The following ZBTB7C variants were observed in gnomAD, a reference collection of about 807,000 sequenced individuals.
The protein encoded by ZBTB7C is zinc finger and BTB domain-containing protein 7C.
In ZBTB7C, 8 loss-of-function variants were observed where a neutral mutation model predicts 25.7. That is an observed-to-expected ratio of 0.31 (90% CI 0.18 to 0.56). The LOEUF (loss-of-function observed/expected upper bound fraction) is 0.56. Among genes scored for constraint, ZBTB7C ranks in the 20% least tolerant of loss-of-function variants. ZBTB7C has a pLI of 0.91. For synonymous variants in ZBTB7C, 394 were observed against 369.0 expected (o/e 1.07, Z -0.78); for missense variants, 824 against 855.2 (o/e 0.96, Z 0.46).
At chr18:48,312,043 G>A (rs528835907) in intron 2 of ZBTB7C, among the ~76,000 whole-genome samples, 7 of 152,282 alleles carry the variant, frequency 4.6e-5, no homozygotes, top group South Asian at 4.1e-4. Context: ...TGTGAAGCTC[G>A]GTCTGACCCC....
intron 1 of ZBTB7C, among the ~76,000 whole-genome samples, chr18:48,383,514 C>T (rs1568414351): frequency 6.6e-6 from 1 of 152,190 alleles, no homozygotes; most frequent in African/African-American, 2.4e-5. Context: ...GATCCGCCTG[C>T]CTGAGCCTCC....
chr18:48,154,743 T>C (rs535558502), intron 3 of ZBTB7C, among the ~76,000 whole-genome samples: 26 of 152,296 alleles, frequency 1.7e-4, no homozygotes, highest in Admixed American at 9.2e-4. Flanking sequence ...GCACTCGCCC[T>C]CACCCTCCAT....
intron 2 of ZBTB7C, among the ~76,000 whole-genome samples, chr18:48,212,368 G>A (rs1438802787): frequency 6.6e-6 from 1 of 152,138 alleles, no homozygotes; most frequent in Admixed American, 6.5e-5. Flanking sequence ...GATGTTGAAA[G>A]CAGTGAAACT....
rs575900140 is a variant in ZBTB7C at position 48,407,228 on chromosome 18, C to T, written c.-304+1998G>A. On this transcript the variant is annotated intron_variant, in intron 1 of 4. Transcript: ENST00000590800. ...CAAAAATATCTGTAAAATCTAATTA[C>T]CAGGAAAACAGAGTTCTGGCATCCT... Among the ~76,000 whole-genome samples, 51 of 152,252 alleles carry T rather than the reference C, an allele frequency of 3.3e-4. 1 individual carries two copies. Among genetic ancestry groups the T allele is most frequent in the African/African-American group, 1.2e-3 (51 of 41,544 alleles).
intron 3 of ZBTB7C, among the ~76,000 whole-genome samples, chr18:48,090,195 A>C (rs909300225): frequency 2.0e-5 from 3 of 152,198 alleles, no homozygotes; most frequent in Non-Finnish European, 4.4e-5. Context: ...GAAAGGTGAG[A>C]GCGTAGCAGG....
chr18:48,110,414 A>G (rs1471221135), intron 3 of ZBTB7C, among the ~76,000 whole-genome samples: 1 of 152,186 alleles, frequency 6.6e-6, no homozygotes, highest in African/African-American at 2.4e-5. Flanking sequence ...CTTAAGAGGC[A>G]TGATCTTTAG....
intron 1 of ZBTB7C, among the ~76,000 whole-genome samples, chr18:48,396,995 T>C (rs2048042889): frequency 1.3e-5 from 2 of 152,230 alleles, no homozygotes; most frequent in Non-Finnish European, 2.9e-5. Context: ...GTGCTTTACG[T>C]GGCTCCAAAA....
intron 1 of ZBTB7C, among the ~76,000 whole-genome samples, chr18:48,378,289 T>C (rs984966556): frequency 2.0e-5 from 3 of 152,126 alleles, no homozygotes; most frequent in Non-Finnish European, 4.4e-5. Flanking sequence ...AAACACCAAG[T>C]AGAACTGAGG....
chr18:48,119,938 G>T (rs533431706), intron 3 of ZBTB7C, among the ~76,000 whole-genome samples: 1 of 152,192 alleles, frequency 6.6e-6, no homozygotes, highest in Non-Finnish European at 1.5e-5. Context: ...GCATGAGGTT[G>T]AAGGGATAAG....
At chr18:48,071,249 T>A (rs1458974234) in intron 3 of ZBTB7C, among the ~76,000 whole-genome samples, 1 of 152,180 alleles carries the variant, frequency 6.6e-6, no homozygotes, top group African/African-American at 2.4e-5. Context: ...AATGATGACA[T>A]TAGAGTCTCT....
In ZBTB7C at chr18:48,144,238, C is replaced by G. The variant is rs1441773832; in HGVS notation, c.-17+41696G>C. On this transcript the variant is annotated intron_variant, in intron 3 of 4. Coordinates refer to ENST00000590800, the MANE Select transcript of ZBTB7C (RefSeq NM_001318841.2). ...AGGTTGCAGTGAGCCAAGATTGCAC[C>G]ACTGCACTCTAGCCTGGGCGACAGA... Among the ~76,000 whole-genome samples the G allele has an allele frequency of 2.0e-5, 3 of 151,874 alleles. No individual in the cohort carries two copies. In the East Asian group the frequency reaches 5.8e-4, roughly 29 times the overall value.
At chr18:48,368,098 G>C (rs1008822020) in intron 1 of ZBTB7C, among the ~76,000 whole-genome samples, 2 of 151,994 alleles carry the variant, frequency 1.3e-5, no homozygotes, top group Non-Finnish European at 2.9e-5. Context: ...AACTGAATGA[G>C]CAGAGGCAAC....
At chr18:48,158,043 TG>T (rs1018991129) in intron 3 of ZBTB7C, among the ~76,000 whole-genome samples, 6 of 152,194 alleles carry the variant, frequency 3.9e-5, no homozygotes, top group Admixed American at 2.6e-4. Context: ...CCTCTCTCTC[TG>T]AGGACTTTGC....
chr18:48,342,105 C>T (rs1007227749), intron 1 of ZBTB7C, among the ~76,000 whole-genome samples: 2 of 152,224 alleles, frequency 1.3e-5, no homozygotes, highest in Non-Finnish European at 2.9e-5. Flanking sequence ...CAGTCTAAGC[C>T]TTGTGACATC....
intron 2 of ZBTB7C, among the ~76,000 whole-genome samples, chr18:48,318,429 G>C (rs377665979): frequency 2.2e-4 from 34 of 151,812 alleles, no homozygotes; most frequent in Admixed American, 2.2e-3. Flanking sequence ...CTGCCTTCCC[G>C]GCTGGTCAGG....
intron 2 of ZBTB7C, among the ~76,000 whole-genome samples, chr18:48,243,369 G>A (rs1243761733): frequency 6.6e-6 from 1 of 150,470 alleles, no homozygotes; most frequent in South Asian, 2.1e-4. Context: ...TAGCATTGCT[G>A]TACAACAGTG....
intron 2 of ZBTB7C, among the ~76,000 whole-genome samples, chr18:48,216,070 C>G (rs1283073447): frequency 6.6e-5 from 10 of 152,212 alleles, no homozygotes; most frequent in Admixed American, 3.3e-4. Flanking sequence ...CCCTCTCTTC[C>G]CTTCATGGCT....
intron 3 of ZBTB7C, among the ~76,000 whole-genome samples, chr18:48,078,307 C>T (rs1292163737): frequency 2.6e-5 from 4 of 152,224 alleles, no homozygotes; most frequent in African/African-American, 9.6e-5. Context: ...ATCTCCGAGA[C>T]ACACATGCAA....
intron 1 of ZBTB7C, among the ~76,000 whole-genome samples, chr18:48,373,299 C>T (rs1035273780): frequency 6.6e-6 from 1 of 152,034 alleles, no homozygotes; most frequent in Admixed American, 6.5e-5. Context: ...CCCTCTTGCT[C>T]CTGCTTGTGC....
Sources: allele counts gnomAD v4.1 joint callset (sites outside exome capture counted in the v4.1 genomes callset), GRCh38; gene constraint gnomAD v4.1.1; transcripts MANE v1.5; gene names NCBI Gene and HGNC (gene_info 2026-07-23, HGNC 2026-07-21).